Variants in AKR1C2 observed in about 807,000 individuals in gnomAD.
AKR1C2 encodes 3-alpha-HSD3.
AKR1C2 carries 27 observed loss-of-function variants against 39.8 expected under a neutral mutation model. That is an observed-to-expected ratio of 0.68 (90% CI 0.50 to 0.93). The LOEUF (loss-of-function observed/expected upper bound fraction) is 0.93. Among genes scored for constraint, AKR1C2 ranks in the 40% least tolerant of loss-of-function variants. The pLI is 0.00. For missense variants in AKR1C2, 263 were observed against 365.1 expected (o/e 0.72, Z 2.28); for synonymous variants, 114 against 137.9 (o/e 0.83, Z 1.22).
intron 1 of AKR1C2, among the ~76,000 whole-genome samples, chr10:5,002,529 GAGTA>G (rs1837304552): frequency 6.6e-6 from 1 of 151,658 alleles, no homozygotes; most frequent in Non-Finnish European, 1.5e-5. Flanking sequence ...AGGCTGCAGG[GAGTA>G]AGTGATTAGC....
upstream of AKR1C2, among the ~76,000 whole-genome samples, chr10:5,005,695 G>A: frequency 6.6e-6 from 1 of 151,856 alleles, no homozygotes; most frequent in East Asian, 1.9e-4. Context: ...AAAATAAAAT[G>A]ACAAGGCATA....
intron 1 of AKR1C2, among the ~76,000 whole-genome samples, chr10:5,016,122 C>G (rs1309931423): frequency 1.3e-5 from 2 of 152,168 alleles, no homozygotes; most frequent in Non-Finnish European, 2.9e-5. Flanking sequence ...GGTGGGGACA[C>G]AGAGCCAAAC....
At chr10:4,998,804 A>C in intron 4 of AKR1C2, 57 bp from the exon 5 acceptor site, 1 of 1,607,680 alleles carries the variant, frequency 6.2e-7, no homozygotes, top group Non-Finnish European at 8.5e-7. Flanking sequence ...AGCAAGATAA[A>C]TGTAACATAG....
At chr10:5,012,740 T>G (rs1331369451) in intron 1 of AKR1C2, among the ~76,000 whole-genome samples, 3 of 152,204 alleles carry the variant, frequency 2.0e-5, no homozygotes, top group Non-Finnish European at 4.4e-5. Flanking sequence ...CCACAACATT[T>G]GTGATAATTT....
intron 2 of AKR1C2, among the ~76,000 whole-genome samples, chr10:5,001,237 G>A (rs1337758235): frequency 6.6e-6 from 1 of 152,164 alleles, no homozygotes; most frequent in Non-Finnish European, 1.5e-5. Context: ...ATATGATTAA[G>A]ATTATCTCTC....
chr10:5,005,462 C>G (rs1450432855), upstream of AKR1C2, among the ~76,000 whole-genome samples: 2 of 152,052 alleles, frequency 1.3e-5, no homozygotes, highest in Non-Finnish European at 2.9e-5. Context: ...GTGAGCAGAT[C>G]ACGAGGTTAG....
At chr10:5,002,160 A>C (rs1467070376) in intron 1 of AKR1C2, among the ~76,000 whole-genome samples, 6 of 152,206 alleles carry the variant, frequency 3.9e-5, no homozygotes, top group African/African-American at 1.4e-4. Flanking sequence ...TGTTGTCTAC[A>C]AGAGATGCCC....
At chr10:5,013,613 TC>T in intron 1 of AKR1C2, 1 of 159,180 alleles carries the variant, frequency 6.3e-6, no homozygotes. Flanking sequence ...TCTGCATTTC[TC>T]CAGGGCCTAG....
At chr10:5,001,223 C>A (rs1320570023) in intron 2 of AKR1C2, among the ~76,000 whole-genome samples, 11 of 152,100 alleles carry the variant, frequency 7.2e-5, no homozygotes, top group African/African-American at 2.7e-4. Flanking sequence ...TAACAGATAA[C>A]ATAATATGAT....
intron 1 of AKR1C2, among the ~76,000 whole-genome samples, chr10:5,017,212 A>G (rs1837660606): frequency 6.6e-6 from 1 of 152,210 alleles, no homozygotes. Context: ...AACCACCTTG[A>G]ATTCTTCCTC....
chr10:5,010,999 G>A (rs1338395931), intron 1 of AKR1C2, among the ~76,000 whole-genome samples: 3 of 148,438 alleles, frequency 2.0e-5, no homozygotes, highest in African/African-American at 7.4e-5. Context: ...AATAGGAAGA[G>A]ATGCATATGA....
chr10:4,996,281 T>A (rs569889481), intron 5 of AKR1C2: 1 of 192,328 alleles, frequency 5.2e-6, no homozygotes, highest in African/African-American at 2.4e-5. Context: ...TATATATGTA[T>A]GTTTTCTAAT....
intron 1 of AKR1C2, among the ~76,000 whole-genome samples, chr10:5,009,362 A>G (rs1392855588): frequency 2.0e-5 from 3 of 152,150 alleles, no homozygotes; most frequent in Non-Finnish European, 2.9e-5. Context: ...ACTATTGCTC[A>G]ATACTATTGT....
chr10:5,016,886 A>G (rs551181821), intron 1 of AKR1C2, among the ~76,000 whole-genome samples: 1 of 152,360 alleles, frequency 6.6e-6, no homozygotes, highest in African/African-American at 2.4e-5. Flanking sequence ...GTCTCTGAGC[A>G]GGCACAGGCT....
upstream of AKR1C2, chr10:5,006,169 T>A (rs1343380805): frequency 1.3e-5 from 2 of 152,188 alleles, no homozygotes; most frequent in Non-Finnish European, 2.9e-5. Flanking sequence ...TGCAAACCCA[T>A]GGTAGTAGAG....
chr10:5,014,988 T>C (rs1837608482), intron 1 of AKR1C2: 1 of 152,248 alleles, frequency 6.6e-6, no homozygotes, highest in Non-Finnish European at 1.5e-5. Flanking sequence ...TTGCAGCTAT[T>C]ACCTCCAAGA....
intron 7 of AKR1C2, among the ~76,000 whole-genome samples, chr10:4,992,301 CT>C (rs1836867007): frequency 6.6e-6 from 1 of 152,144 alleles, no homozygotes; most frequent in African/African-American, 2.4e-5. Context: ...GAATATCTAT[CT>C]CTCCAATGAA....
At chr10:5,002,338 G>A (rs1336202626) in intron 1 of AKR1C2, among the ~76,000 whole-genome samples, 1 of 152,180 alleles carries the variant, frequency 6.6e-6, no homozygotes, top group Non-Finnish European at 1.5e-5. Context: ...AGGAAACAGG[G>A]AGAACTCCAC....
chr10:5,010,406 A>G (rs1434139629), intron 1 of AKR1C2: 1 of 132,858 alleles, frequency 7.5e-6, no homozygotes, highest in Non-Finnish European at 1.7e-5. Flanking sequence ...CGCCCAGGAG[A>G]GTCTGTAACT....
Sources: allele counts gnomAD v4.1 joint callset (sites outside exome capture counted in the v4.1 genomes callset), GRCh38; gene constraint gnomAD v4.1.1; transcripts MANE v1.5; gene names NCBI Gene and HGNC (gene_info 2026-07-23, HGNC 2026-07-21).